Variants in MRPL3 observed in about 807,000 individuals in gnomAD.
MRPL3 encodes the protein large ribosomal subunit protein uL3m.
Under a neutral mutation model 44.3 loss-of-function variants are expected in MRPL3, and 43 were observed. The ratio of observed to expected loss-of-function variants is 0.97; its 90% CI spans 0.76 to 1.25. The LOEUF (loss-of-function observed/expected upper bound fraction) is 1.25. MRPL3 is among the 50% of genes most tolerant of loss of function. MRPL3 has a pLI of 0.00. For missense variants in MRPL3, 406 were observed against 427.6 expected, an observed-to-expected ratio of 0.95 and a Z score of 0.45; for synonymous variants, 171 against 152.3, an observed-to-expected ratio of 1.12 and a Z score of -0.91.
chr3:131,469,533 TACAC>T (rs3830301), intron 8 of MRPL3, among the ~76,000 whole-genome samples, 159 bp downstream of exon 8: 67 of 146,618 alleles, frequency 4.6e-4, no homozygotes, highest in East Asian at 6.3e-4. Context: ...AACTAGAGTG[TACAC>T]ACACACACAC....
At chr3:131,470,740 G>C (rs543641110) in intron 7 of MRPL3, among the ~76,000 whole-genome samples, 1 of 151,886 alleles carries the variant, frequency 6.6e-6, no homozygotes, top group East Asian at 1.9e-4. Flanking sequence ...AACACTATAG[G>C]GTTCATTTTA....
intron 5 of MRPL3, among the ~76,000 whole-genome samples, chr3:131,488,036 T>C (rs909568212): frequency 3.3e-5 from 5 of 152,206 alleles, no homozygotes; most frequent in South Asian, 2.1e-4. Context: ...AATAACAGTA[T>C]ACTAAATTAA....
chr3:131,502,281 A>G (rs1286866882), intron 1 of MRPL3, among the ~76,000 whole-genome samples: 1 of 152,252 alleles, frequency 6.6e-6, no homozygotes, highest in Non-Finnish European at 1.5e-5. Context: ...AGCTTTCTGC[A>G]GTCTACTCTC....
chr3:131,480,428 T>C (rs16836801), intron 6 of MRPL3, among the ~76,000 whole-genome samples: 2,695 of 152,294 alleles, frequency 0.018, 77 homozygotes, highest in African/African-American at 0.061. Context: ...TTAGGACGAA[T>C]TTGTGACAGC....
At chr3:131,465,830 G>C (rs1333940910) in intron 9 of MRPL3, among the ~76,000 whole-genome samples, 1 of 150,722 alleles carries the variant, frequency 6.6e-6, no homozygotes, top group Non-Finnish European at 1.5e-5. Context: ...TTAAAAACCT[G>C]CAAACTTAAG....
At chr3:131,498,353 C>A in intron 3 of MRPL3, 76 bp from the exon 4 acceptor site, 1 of 879,720 alleles carries the variant, frequency 1.1e-6, no homozygotes, top group South Asian at 1.5e-5. Flanking sequence ...CCATTGAGAC[C>A]TTAGGACAAA....
At chr3:131,486,553 A>G (rs537759422) in intron 6 of MRPL3, among the ~76,000 whole-genome samples, 1 of 151,858 alleles carries the variant, frequency 6.6e-6, no homozygotes, top group East Asian at 1.9e-4. Flanking sequence ...AAATTTTTGT[A>G]ATCTACCCAT....
At chr3:131,479,975 A>G (rs890984317) in intron 6 of MRPL3, among the ~76,000 whole-genome samples, 1 of 152,378 alleles carries the variant, frequency 6.6e-6, no homozygotes, top group African/African-American at 2.4e-5. Flanking sequence ...CTTTAGATTC[A>G]AACTATCCAA....
At chr3:131,469,533 T>TACAC (rs3830301) in intron 8 of MRPL3, among the ~76,000 whole-genome samples, 163 bp downstream of exon 8, 72 of 147,000 alleles carry the variant, frequency 4.9e-4, no homozygotes, top group East Asian at 2.7e-3. Context: ...AACTAGAGTG[T>TACAC]ACACACACAC....
intron 6 of MRPL3, among the ~76,000 whole-genome samples, chr3:131,486,020 T>C (rs1257860837): frequency 6.6e-6 from 1 of 152,090 alleles, no homozygotes; most frequent in African/African-American, 2.4e-5. Context: ...GAAATTATCA[T>C]TTATGTTGAA....
intron 7 of MRPL3, 101 bp downstream of exon 7, chr3:131,471,070 C>CA: frequency 1.2e-6 from 1 of 800,172 alleles, no homozygotes; most frequent in East Asian, 2.5e-5. Context: ...CCCCTTGTGT[C>CA]AGACTAAAAT....
intron 9 of MRPL3, 30 bp downstream of exon 9, chr3:131,468,061 A>T (rs578068305): frequency 1.8e-5 from 19 of 1,072,580 alleles, no homozygotes; most frequent in Non-Finnish European, 2.2e-5. Context: ...AAAAAAAAAA[A>T]GGAAAAAAAA....
At chr3:131,497,168 G>A (rs536216065) in intron 4 of MRPL3, among the ~76,000 whole-genome samples, 1 of 152,326 alleles carries the variant, frequency 6.6e-6, no homozygotes, top group East Asian at 1.9e-4. Flanking sequence ...ACTAGCTTAT[G>A]AGCTCCCAGT....
At chr3:131,476,328 T>C (rs1422390516) in intron 6 of MRPL3, among the ~76,000 whole-genome samples, 1 of 152,128 alleles carries the variant, frequency 6.6e-6, no homozygotes, top group African/African-American at 2.4e-5. Flanking sequence ...TGTTGATCCA[T>C]GGGAGGTACA....
chr3:131,469,425 T>C (rs1012636510), intron 8 of MRPL3, among the ~76,000 whole-genome samples: 2 of 151,970 alleles, frequency 1.3e-5, no homozygotes, highest in African/African-American at 4.8e-5. Context: ...CTTGTAAAAA[T>C]CTTCCAGGTC....
Position 131,501,702 on chromosome 3 carries a change from GC to G in MRPL3, c.105del (p.Trp35CysfsTer39), listed in dbSNP as rs1170552456. 1.3e-5 allele frequency: 21 copies of G among 1,611,908 alleles called. No individual in the cohort carries two copies. Among genetic ancestry groups the G allele is most frequent in the Non-Finnish European group, 1.8e-5 (21 of 1,179,352 alleles). On this transcript the variant is annotated frameshift_variant, in exon 2 of 10. Coordinates refer to ENST00000264995, the MANE Select transcript of MRPL3 (RefSeq NM_007208.4). LOFTEE classifies it high-confidence loss of function. ...TTTCCATGAAGACCTCTAACAAAAA[GC>G]CAGATGTGTGTTCTATAAAAAGAAA... The part of the protein sequence containing the change: ...ALGPGNRTHI[W>X]LFVRGLHGKS...
At position 131,502,749 on chromosome 3, in the gene MRPL3, C is replaced by A. The variant is rs146462380; in HGVS notation, c.73G>T (p.Ala25Ser). The change falls in exon 1 of 10, where the codon GCC (alanine) becomes TCC (serine). Residue 25 changes from alanine (A) to serine (S), a missense_variant. Physicochemically the swap from Ala to Ser is moderately conservative, Grantham distance 99. Coordinates refer to ENST00000264995, the MANE Select transcript of MRPL3 (RefSeq NM_007208.4). ...LGRLGDGLGAALGPGNRTHIW... is the reference protein window; with the variant it reads ...LGRLGDGLGASLGPGNRTHIW... Reference sequence around the variant, plus strand: ...TCCTACCTGTTCCCCGGGCCCAGGGCAGCACCCAGGCCGTCCCCGAGTCGA... The same window carrying A: ...TCCTACCTGTTCCCCGGGCCCAGGGAAGCACCCAGGCCGTCCCCGAGTCGA... 5 of 1,611,848 alleles carry A rather than the reference C, an allele frequency of 3.1e-6. No individual in the cohort carries two copies. In the African/African-American group the frequency reaches 4.0e-5, roughly 13 times the overall value.
At chr3:131,487,601 AC>A in intron 6 of MRPL3, 78 bp downstream of exon 6, 1 of 1,095,844 alleles carries the variant, frequency 9.1e-7, no homozygotes, top group Non-Finnish European at 1.4e-6. Context: ...GACTTGAAAG[AC>A]TGTACTTCTT....
Position 131,482,944 on chromosome 3 carries a change from G to A in MRPL3, c.629+4736C>T, listed in dbSNP as rs150369971. On this transcript the variant is annotated intron_variant, in intron 6 of 9. Coordinates refer to ENST00000264995, the MANE Select transcript of MRPL3 (RefSeq NM_007208.4). ...CACTGCTCCCTAACCACAGCAGAAA[G>A]CATCTTTAGTTTTCTTTTTATTTGT... 3.5e-3 allele frequency among the ~76,000 whole-genome samples: 535 copies of A among 150,918 alleles called. 7 individuals are homozygous for A. The highest frequency in any genetic ancestry group is 0.012 in the African/African-American group (508 of 41,128).
Sources: allele counts gnomAD v4.1 joint callset (sites outside exome capture counted in the v4.1 genomes callset), GRCh38; gene constraint gnomAD v4.1.1; transcripts MANE v1.5; gene names NCBI Gene and HGNC (gene_info 2026-07-23, HGNC 2026-07-21).